Variants in CLASP1 observed in about 807,000 individuals in gnomAD.
CLASP1 encodes CLIP-associating protein 1.
Under a neutral mutation model 192.3 loss-of-function variants are expected in CLASP1, and 38 were observed. The observed-to-expected ratio is 0.20, with a 90% CI of 0.15 to 0.26. CLASP1 has a LOEUF of 0.26. Ranked by LOEUF, CLASP1 falls within the 10% of genes least tolerant of loss-of-function variation. CLASP1 has a pLI of 1.00. For synonymous variants in CLASP1, 691 were observed against 712.8 expected (o/e 0.97, Z 0.49); for missense variants, 1,433 against 1,932.5 (o/e 0.74, Z 4.85).
At chr2:121,528,092 ACATT>A (rs1353226368) in intron 4 of CLASP1, among the ~76,000 whole-genome samples, 2 of 152,374 alleles carry the variant, frequency 1.3e-5, no homozygotes, top group South Asian at 4.1e-4. Flanking sequence ...TTTTTAAAAC[ACATT>A]CATTTACATA....
intron 17 of CLASP1, 83 bp from the exon 18 acceptor site, chr2:121,448,408 A>G (rs2084784420): frequency 8.1e-7 from 1 of 1,231,872 alleles, no homozygotes; most frequent in African/African-American, 1.5e-5. Flanking sequence ...AAATTATTAC[A>G]ATGAAGAATT....
At chr2:121,354,596 G>A (rs1558842607) in intron 37 of CLASP1, among the ~76,000 whole-genome samples, 2 of 152,188 alleles carry the variant, frequency 1.3e-5, no homozygotes, top group African/African-American at 4.8e-5. Context: ...TGGCTTTCTA[G>A]TGCAAGAAAT....
At chr2:121,355,738 C>T (rs191171300) in intron 37 of CLASP1, among the ~76,000 whole-genome samples, 73 of 152,282 alleles carry the variant, frequency 4.8e-4, no homozygotes, top group Admixed American at 4.5e-3. Flanking sequence ...TCAACATGGG[C>T]AGCAGAAACA....
chr2:121,473,126 C>T (rs1415845921), intron 8 of CLASP1, among the ~76,000 whole-genome samples: 1 of 151,820 alleles, frequency 6.6e-6, no homozygotes, highest in Non-Finnish European at 1.5e-5. Context: ...GAAAATGTGG[C>T]CCATAATCAG....
At chr2:121,637,525 A>G (rs2071119960) in intron 1 of CLASP1, among the ~76,000 whole-genome samples, 1 of 152,200 alleles carries the variant, frequency 6.6e-6, no homozygotes, top group African/African-American at 2.4e-5. Flanking sequence ...ACATAGGGAT[A>G]AATCTTCATT....
At chr2:121,364,785 C>A in intron 36 of CLASP1, 12 of 322,850 alleles carry the variant, frequency 3.7e-5, no homozygotes, top group South Asian at 1.6e-4. Context: ...CCTAAAAGAC[C>A]ACATTCTATG....
intron 33 of CLASP1, among the ~76,000 whole-genome samples, chr2:121,381,497 C>T (rs1007891796): frequency 2.6e-5 from 4 of 152,118 alleles, no homozygotes; most frequent in African/African-American, 9.7e-5. Context: ...CTATGTGGAC[C>T]CTTCTTTGTA....
At chr2:121,531,196 G>A (rs911565235) in intron 2 of CLASP1, among the ~76,000 whole-genome samples, 4 of 152,040 alleles carry the variant, frequency 2.6e-5, no homozygotes, top group East Asian at 1.9e-4. Context: ...TTAACTTTAC[G>A]CCGATCATCA....
At chr2:121,538,131 G>T (rs2104951229) in intron 2 of CLASP1, among the ~76,000 whole-genome samples, 1 of 152,138 alleles carries the variant, frequency 6.6e-6, no homozygotes, top group Non-Finnish European at 1.5e-5. Flanking sequence ...AAAAATAAAA[G>T]TGGCCAGGTG....
At chr2:121,439,199 C>G (rs9679046) in intron 19 of CLASP1, among the ~76,000 whole-genome samples, 1 of 152,028 alleles carries the variant, frequency 6.6e-6, no homozygotes, top group Non-Finnish European at 1.5e-5. Flanking sequence ...TTTTTTATTG[C>G]GTCTATTTGA....
At chr2:121,365,580 G>A (rs1467110254) in intron 35 of CLASP1, among the ~76,000 whole-genome samples, 1 of 152,188 alleles carries the variant, frequency 6.6e-6, no homozygotes, top group Non-Finnish European at 1.5e-5. Flanking sequence ...TTCAGACAAA[G>A]AGAAGAAATG....
chr2:121,390,719 C>T (rs1459035560), intron 30 of CLASP1, among the ~76,000 whole-genome samples: 1 of 152,232 alleles, frequency 6.6e-6, no homozygotes, highest in African/African-American at 2.4e-5. Context: ...TATTAAACAA[C>T]TCACTGCTCC....
intron 23 of CLASP1, among the ~76,000 whole-genome samples, chr2:121,416,074 C>T: frequency 6.6e-6 from 1 of 152,282 alleles, no homozygotes; most frequent in East Asian, 1.9e-4. Flanking sequence ...AAGCACATCA[C>T]TATCTTGATA....
intron 2 of CLASP1, among the ~76,000 whole-genome samples, chr2:121,587,552 G>A (rs970892931): frequency 7.2e-5 from 11 of 152,274 alleles, no homozygotes; most frequent in East Asian, 1.9e-4. Flanking sequence ...AATGTCAGCC[G>A]GGCGAGGTGG....
At chr2:121,358,132 C>T (rs1468170613) in intron 37 of CLASP1, among the ~76,000 whole-genome samples, 2 of 152,184 alleles carry the variant, frequency 1.3e-5, no homozygotes, top group South Asian at 2.1e-4. Flanking sequence ...CTTGGAATCT[C>T]TCAATGAAGC....
At chr2:121,599,518 G>A (rs1186549425) in intron 2 of CLASP1, among the ~76,000 whole-genome samples, 1 of 148,424 alleles carries the variant, frequency 6.7e-6, no homozygotes, top group Non-Finnish European at 1.5e-5. Context: ...AACCCAGGAG[G>A]TGGAGGTTGC....
rs77888246 is a variant in CLASP1, at chr2:121,481,862, G to A, written c.713-11902C>T. On this transcript the variant is annotated intron_variant, in intron 8 of 39. Transcript: ENST00000263710. ...GAAGTACTTTGTTGGGAGCTGGGATGCAGAAAGGGAAGTCATGGTTCTCAC... is the reference window on the plus strand; with the variant it reads ...GAAGTACTTTGTTGGGAGCTGGGATACAGAAAGGGAAGTCATGGTTCTCAC... Among the ~76,000 whole-genome samples, 185 of 152,308 alleles carry A rather than the reference G, an allele frequency of 1.2e-3. 2 individuals carry two copies. Among genetic ancestry groups the A allele is most frequent in the African/African-American group, 3.8e-3 (159 of 41,554 alleles).
intron 26 of CLASP1, chr2:121,402,454 C>G: frequency 2.4e-6 from 1 of 414,190 alleles, no homozygotes; most frequent in African/African-American, 2.1e-5. Context: ...CCCTATACCG[C>G]CTCATTTCTA....
intron 2 of CLASP1, chr2:121,603,096 T>A (rs1375764372): frequency 6.6e-6 from 1 of 151,736 alleles, no homozygotes; most frequent in Non-Finnish European, 1.5e-5. Context: ...AATTTAGCAG[T>A]GGGGAGTTGT....
Sources: gnomAD v4.1 joint callset for allele counts (sites outside exome capture counted in the v4.1 genomes callset) on GRCh38, gnomAD v4.1.1 for gene constraint, MANE v1.5 for transcripts, NCBI Gene and HGNC (gene_info 2026-07-23, HGNC 2026-07-21) for gene names.